RPS6KC1: variants seen among roughly 807,000 people sequenced by gnomAD.
The protein encoded by RPS6KC1 is ribosomal protein S6 kinase C1, also known as inactive ribosomal protein S6 kinase delta-1.
A neutral mutation model predicts 103.8 loss-of-function variants in RPS6KC1; 54 were observed. That is an observed-to-expected ratio of 0.52 (90% CI 0.42 to 0.65). RPS6KC1 has a LOEUF of 0.65. Ranked by LOEUF, RPS6KC1 falls within the 30% of genes least tolerant of loss-of-function variation. RPS6KC1 has a pLI of 0.00. For missense variants in RPS6KC1, 1,151 were observed against 1,253.8 expected (o/e 0.92, Z 1.24); for synonymous variants, 439 against 438.7 (o/e 1.00, Z -0.01).
the RPS6KC1 span, among the ~76,000 whole-genome samples, chr1:213,756,951 C>A: frequency 2.0e-5 from 3 of 152,248 alleles, no homozygotes; most frequent in Non-Finnish European, 1.5e-5. Context: ...TAGTGATCTG[C>A]AATCAGTGAT....
the RPS6KC1 span, among the ~76,000 whole-genome samples, chr1:213,670,707 A>C: frequency 6.6e-6 from 1 of 152,028 alleles, no homozygotes; most frequent in Admixed American, 6.6e-5. Context: ...GAAGCTGCAA[A>C]GTGCACCTGC....
intron 8 of RPS6KC1, among the ~76,000 whole-genome samples, chr1:213,195,821 GGTGTGT>G (rs60968477): frequency 1.3e-5 from 2 of 149,726 alleles, no homozygotes; most frequent in African/African-American, 2.5e-5. Flanking sequence ...AGTATTCCAT[GGTGTGT>G]GTGTGTGTGT....
chr1:213,676,452 C>T, the RPS6KC1 span, among the ~76,000 whole-genome samples: 2 of 152,164 alleles, frequency 1.3e-5, no homozygotes, highest in Non-Finnish European at 2.9e-5. Flanking sequence ...AAACTGCATA[C>T]GTGGGAGGAG....
intron 1 of RPS6KC1, among the ~76,000 whole-genome samples, chr1:213,057,054 C>T (rs1206977462): frequency 6.6e-6 from 1 of 152,108 alleles, no homozygotes; most frequent in Non-Finnish European, 1.5e-5. Flanking sequence ...ATCCTCCCAC[C>T]TCAGCCTCCC....
At chr1:213,152,106 T>C (rs2089151618) in intron 6 of RPS6KC1, among the ~76,000 whole-genome samples, 1 of 115,218 alleles carries the variant, frequency 8.7e-6, no homozygotes, top group Non-Finnish European at 1.8e-5. Context: ...GCAGAGGGGC[T>C]CCTCACTTCC....
the RPS6KC1 span, among the ~76,000 whole-genome samples, chr1:213,655,756 C>G: frequency 1.3e-5 from 2 of 152,104 alleles, no homozygotes; most frequent in Non-Finnish European, 2.9e-5. Context: ...TATATATATA[C>G]TGAATATTTC....
chr1:213,433,431 G>A, the RPS6KC1 span, among the ~76,000 whole-genome samples: 1 of 152,156 alleles, frequency 6.6e-6, no homozygotes, highest in East Asian at 1.9e-4. Flanking sequence ...GTGGACATTT[G>A]GAAGATTGGT....
At chr1:213,276,251 C>T (rs2095112289), downstream of RPS6KC1, among the ~76,000 whole-genome samples, 1 of 152,060 alleles carries the variant, frequency 6.6e-6, no homozygotes, top group Non-Finnish European at 1.5e-5. Flanking sequence ...CTCCTCAGAG[C>T]ATATTTATCG....
intron 12 of RPS6KC1, among the ~76,000 whole-genome samples, chr1:213,249,485 T>A (rs2094507045): frequency 6.6e-6 from 1 of 152,248 alleles, no homozygotes; most frequent in Non-Finnish European, 1.5e-5. Flanking sequence ...TTAATAGCCA[T>A]GCGTGTAGCT....
the RPS6KC1 span, among the ~76,000 whole-genome samples, chr1:213,524,510 T>C: frequency 6.6e-6 from 1 of 152,172 alleles, no homozygotes; most frequent in South Asian, 2.1e-4. Context: ...AGACTTTCCT[T>C]CCAAGCTTCA....
intron 6 of RPS6KC1, among the ~76,000 whole-genome samples, chr1:213,161,190 G>A (rs72745838): frequency 2.5e-4 from 38 of 152,290 alleles, no homozygotes; most frequent in South Asian, 6.2e-4. Context: ...GATAGGAGGG[G>A]CAGGAATAAA....
chr1:213,724,642 G>A, the RPS6KC1 span, among the ~76,000 whole-genome samples: 4 of 152,150 alleles, frequency 2.6e-5, no homozygotes, highest in Admixed American at 6.5e-5. Flanking sequence ...GCTCGTGCTT[G>A]TAATTCTAGT....
chr1:213,328,043 T>C, the RPS6KC1 span, among the ~76,000 whole-genome samples: 28 of 152,314 alleles, frequency 1.8e-4, no homozygotes, highest in African/African-American at 6.5e-4. Context: ...TTTTTTAGTA[T>C]TATTTATTTT....
the RPS6KC1 span, among the ~76,000 whole-genome samples, chr1:213,809,198 T>A: frequency 6.6e-6 from 1 of 152,178 alleles, no homozygotes; most frequent in Non-Finnish European, 1.5e-5. Context: ...CTACCTAAAA[T>A]GTCTCATGGA....
intron 6 of RPS6KC1, among the ~76,000 whole-genome samples, chr1:213,158,669 T>A (rs184477005): frequency 1.3e-5 from 2 of 151,612 alleles, no homozygotes; most frequent in Non-Finnish European, 2.9e-5. Flanking sequence ...TTCTCCAGTA[T>A]TTTTTTTTAA....
At chr1:213,202,373 G>T (rs1339604369) in intron 8 of RPS6KC1, among the ~76,000 whole-genome samples, 1 of 107,860 alleles carries the variant, frequency 9.3e-6, no homozygotes, top group Non-Finnish European at 1.9e-5. Context: ...CACTTTGGGA[G>T]ACTGAGGCAG....
At chr1:213,234,645 A>T (rs766130495) in intron 10 of RPS6KC1, among the ~76,000 whole-genome samples, 4 of 152,188 alleles carry the variant, frequency 2.6e-5, no homozygotes, top group Non-Finnish European at 2.9e-5. Flanking sequence ...TTGGTACGTG[A>T]GGCTGTTGGA....
At chr1:213,414,933 A>G in the RPS6KC1 span, among the ~76,000 whole-genome samples, 155 of 152,286 alleles carry the variant, frequency 1.0e-3, no homozygotes, top group Middle Eastern at 3.4e-3. Flanking sequence ...GCTCTACCCA[A>G]TGAGACCCCT....
At chr1:213,659,116 CA>C in the RPS6KC1 span, among the ~76,000 whole-genome samples, 3 of 152,092 alleles carry the variant, frequency 2.0e-5, no homozygotes, top group South Asian at 6.2e-4. Flanking sequence ...AGGTGCCTGC[CA>C]TGACACCTGG....
Sources: gnomAD v4.1 joint callset for allele counts (sites outside exome capture counted in the v4.1 genomes callset) on GRCh38, gnomAD v4.1.1 for gene constraint, MANE v1.5 for transcripts, NCBI Gene and HGNC (gene_info 2026-07-23, HGNC 2026-07-21) for gene names.